TLK2: variants seen among roughly 807,000 people sequenced by gnomAD.
TLK2 encodes tousled like kinase 2, also known as serine/threonine-protein kinase tousled-like 2.
TLK2 carries 6 observed loss-of-function variants against 117.3 expected under a neutral mutation model. The ratio of observed to expected loss-of-function variants is 0.05; its 90% CI spans 0.03 to 0.10. The LOEUF (loss-of-function observed/expected upper bound fraction) is 0.10. TLK2 is among the 10% of genes least tolerant of loss of function. The probability of loss-of-function intolerance (pLI) is 1.00; values close to 1 mark genes in which losing one functional copy is unlikely to be tolerated. For missense variants in TLK2, 299 were observed against 901.2 expected (o/e 0.33, Z 8.56); for synonymous variants, 257 against 316.7 (o/e 0.81, Z 2.00).
intron 16 of TLK2, among the ~76,000 whole-genome samples, chr17:62,587,532 C>A (rs1389727956): frequency 6.6e-6 from 1 of 152,142 alleles, no homozygotes; most frequent in African/African-American, 2.4e-5. Flanking sequence ...TTGCTCTATA[C>A]CTCTTGTTCA....
intron 16 of TLK2, among the ~76,000 whole-genome samples, chr17:62,593,488 T>C (rs1205860970): frequency 6.6e-6 from 1 of 152,226 alleles, no homozygotes; most frequent in Admixed American, 6.5e-5. Context: ...ATATTTTCTT[T>C]CCTTGTATCC....
chr17:62,572,380 T>C (rs2080379296), intron 11 of TLK2, among the ~76,000 whole-genome samples: 1 of 152,048 alleles, frequency 6.6e-6, no homozygotes, highest in Admixed American at 6.6e-5. Context: ...CTGTAAACCT[T>C]AATATCTGTT....
intron 7 of TLK2, among the ~76,000 whole-genome samples, chr17:62,547,374 G>C (rs1313880557): frequency 6.8e-6 from 1 of 146,446 alleles, no homozygotes; most frequent in Non-Finnish European, 1.5e-5. Flanking sequence ...TAGTCTCTTT[G>C]TTTTCCAGTT....
intron 2 of TLK2, among the ~76,000 whole-genome samples, chr17:62,501,509 A>G (rs2465441): frequency 0.37 from 55,957 of 151,966 alleles, 10,504 homozygotes; most frequent in Admixed American, 0.41. Flanking sequence ...AAGGTGGGCC[A>G]ATTGCTTGAG....
intron 11 of TLK2, among the ~76,000 whole-genome samples, chr17:62,565,873 A>G (rs2079744669): frequency 1.3e-5 from 2 of 152,194 alleles, no homozygotes; most frequent in African/African-American, 4.8e-5. Flanking sequence ...TATAAAGCAG[A>G]ATAAAACCAC....
Position 62,553,693 on chromosome 17 carries a change from C to T in TLK2, c.658C>T (p.Leu220=). The T allele has an allele frequency of 6.2e-7, 1 of 1,611,438 alleles. No homozygotes were observed. Among genetic ancestry groups the T allele is most frequent in the Non-Finnish European group, 8.5e-7 (1 of 1,178,204 alleles). The change falls in exon 9 of 22, where the codon CTA becomes TTA. Residue 220 remains leucine (L), a synonymous_variant. Coordinates refer to ENST00000346027, the MANE Select transcript of TLK2 (RefSeq NM_006852.6). Reference sequence around the variant, plus strand: ...CCTCACAATAGAAAAAATATCTGCACTAGAAAACAGTAAGAATTCTGACTT... The same window carrying T: ...CCTCACAATAGAAAAAATATCTGCATTAGAAAACAGTAAGAATTCTGACTT... ...SDLTIEKISA[L]ENSKNSDLEK... is the part of the protein sequence containing the mutation.
chr17:62,476,358 C>T (rs1264180006), upstream of TLK2, among the ~76,000 whole-genome samples: 3 of 151,462 alleles, frequency 2.0e-5, no homozygotes, highest in African/African-American at 4.8e-5. Flanking sequence ...CCGAGGTGGG[C>T]GGATCACGAG....
chr17:62,493,759 A>T (rs1206229916), intron 2 of TLK2, among the ~76,000 whole-genome samples: 1 of 152,006 alleles, frequency 6.6e-6, no homozygotes, highest in Non-Finnish European at 1.5e-5. Flanking sequence ...GTTACATAGG[A>T]TAGTCTTTTT....
At chr17:62,514,490 C>G (rs904355454) in intron 2 of TLK2, among the ~76,000 whole-genome samples, 9 of 151,292 alleles carry the variant, frequency 5.9e-5, no homozygotes, top group African/African-American at 2.2e-4. Context: ...ATAGTCATTC[C>G]TACTTTGTAA....
intron 7 of TLK2, among the ~76,000 whole-genome samples, chr17:62,537,679 A>G (rs1316908759): frequency 6.6e-6 from 1 of 152,192 alleles, no homozygotes; most frequent in Non-Finnish European, 1.5e-5. Flanking sequence ...TACTGGAATA[A>G]ACAGATAAAT....
Position 62,522,237 on chromosome 17 carries a change from C to T in TLK2, c.187C>T (p.Arg63Trp), listed in dbSNP as rs2076094147. Residue 63 changes from arginine (R) to tryptophan (W), a missense_variant, in exon 4 of 22, where the codon CGG becomes TGG. Around this residue, in one of 4 missense-constraint regions of TLK2, gnomAD observed 105 missense variants for 218.4 expected, o/e 0.48. Coordinates refer to ENST00000346027, the MANE Select transcript of TLK2 (RefSeq NM_006852.6). Reference sequence around the variant, plus strand: ...GAAAAAGCAGAATGACCAGCGAAATCGGAAAAGAAAAGCTGAACCATATGA... The same window carrying T: ...GAAAAAGCAGAATGACCAGCGAAATTGGAAAAGAAAAGCTGAACCATATGA... ...PEKKQNDQRNRKRKAEPYETS... is the reference protein window; with the variant it reads ...PEKKQNDQRNWKRKAEPYETS... 4 of 1,612,186 alleles carry T rather than the reference C, an allele frequency of 2.5e-6. No homozygotes were observed. Among genetic ancestry groups the T allele is most frequent in the African/African-American group, 1.3e-5 (1 of 74,730 alleles).
At chr17:62,503,971 T>A (rs2074444541) in intron 2 of TLK2, among the ~76,000 whole-genome samples, 1 of 152,000 alleles carries the variant, frequency 6.6e-6, no homozygotes, top group Non-Finnish European at 1.5e-5. Flanking sequence ...CGACCTCAGG[T>A]GATCCACCCG....
At chr17:62,476,031 G>A (rs898639089), upstream of TLK2, among the ~76,000 whole-genome samples, 8 of 151,894 alleles carry the variant, frequency 5.3e-5, no homozygotes, top group African/African-American at 1.9e-4. Flanking sequence ...AGAATGGAGT[G>A]CAGTGGTGCC....
intron 2 of TLK2, among the ~76,000 whole-genome samples, chr17:62,484,120 C>CTT (rs1263376007): frequency 6.6e-6 from 1 of 151,964 alleles, no homozygotes; most frequent in Non-Finnish European, 1.5e-5. Flanking sequence ...CTGTGCCCAG[C>CTT]TTAAGTAGTC....
intron 7 of TLK2, among the ~76,000 whole-genome samples, chr17:62,547,325 TG>T (rs1341239267): frequency 6.6e-6 from 1 of 151,998 alleles, no homozygotes; most frequent in East Asian, 1.9e-4. Flanking sequence ...AGTGATTAGG[TG>T]TTGGCATGGA....
intron 2 of TLK2, among the ~76,000 whole-genome samples, chr17:62,507,030 A>G: frequency 6.6e-6 from 1 of 152,238 alleles, no homozygotes; most frequent in Non-Finnish European, 1.5e-5. Context: ...ATGTTGATAC[A>G]TACAGACCTA....
intron 21 of TLK2, among the ~76,000 whole-genome samples, chr17:62,608,802 G>A (rs1372748724): frequency 1.1e-4 from 16 of 152,024 alleles, no homozygotes; most frequent in Admixed American, 1.0e-3. Flanking sequence ...TTAAACGTCA[G>A]GTGAATGGTA....
At chr17:62,548,240 A>ATATATGTGTGTG (rs368516607) in intron 7 of TLK2, among the ~76,000 whole-genome samples, 12 of 121,294 alleles carry the variant, frequency 9.9e-5, no homozygotes, top group East Asian at 5.0e-4. Context: ...ATATATATAT[A>ATATATGTGTGTG]TGTGTGTGTG....
intron 11 of TLK2, 40 bp from the exon 12 acceptor site, chr17:62,573,175 T>G (rs762912821): frequency 1.7e-5 from 27 of 1,574,430 alleles, no homozygotes; most frequent in Non-Finnish European, 1.8e-5. Context: ...GGTAAAACTT[T>G]TGACTTTCTT....
Sources: allele counts gnomAD v4.1 joint callset (sites outside exome capture counted in the v4.1 genomes callset), GRCh38; gene constraint gnomAD v4.1.1; regional missense constraint gnomAD v4.1.1; transcripts MANE v1.5; gene names NCBI Gene and HGNC (gene_info 2026-07-23, HGNC 2026-07-21).